Variants in WASHC5 observed in about 807,000 individuals in gnomAD.
The protein encoded by WASHC5 is WASH complex subunit 5, also known as WASH complex subunit strumpellin.
In WASHC5, 101 loss-of-function variants were observed where a neutral mutation model predicts 150.4. That is an observed-to-expected ratio of 0.67 (90% confidence interval 0.57 to 0.79). The LOEUF (loss-of-function observed/expected upper bound fraction) is 0.79, where lower values mean the gene tolerates loss of function less well. Ranked by LOEUF, WASHC5 falls within the 30% of genes least tolerant of loss-of-function variation. The pLI, the probability that WASHC5 is intolerant of heterozygous loss-of-function variation, is 0.00. For synonymous variants in WASHC5, 467 were observed against 491.2 expected, an observed-to-expected ratio of 0.95 and a Z score of 0.65; for missense variants, 1,195 against 1,396.3, an observed-to-expected ratio of 0.86 and a Z score of 2.30.
chr8:125,073,000 C>A (rs1311376798), intron 9 of WASHC5, among the ~76,000 whole-genome samples, 153 bp downstream of exon 9: 3 of 152,180 alleles, frequency 2.0e-5, no homozygotes, highest in Admixed American at 2.0e-4. Flanking sequence ...AGTGGCCTAT[C>A]CAAGTTGACA....
At chr8:125,032,833 T>C in intron 26 of WASHC5, 1 of 199,952 alleles carries the variant, frequency 5.0e-6, no homozygotes, top group Non-Finnish European at 1.0e-5. Flanking sequence ...TGTTGAGTAA[T>C]ATATATACAT....
chr8:125,063,553 T>G lies in WASHC5; in HGVS notation c.1377A>C (p.Gly459=). Reference sequence around the variant, plus strand: ...TCTCCACTCTGGTTAGGGGTTTCACTCCTGAAAAGACATCAGCAAGCTCAG... The same window carrying G: ...TCTCCACTCTGGTTAGGGGTTTCACGCCTGAAAAGACATCAGCAAGCTCAG... ...RMTELADVFS[G]VKPLTRVEKN... is the part of the protein sequence containing the mutation. The change falls in exon 11 of 29, where the codon GGA becomes GGC. Residue 459 remains glycine (G), a synonymous_variant. Transcript: ENST00000318410. 1 of 1,614,002 alleles carries G rather than the reference T, an allele frequency of 6.2e-7. No homozygotes were observed. Among genetic ancestry groups the G allele is most frequent in the Non-Finnish European group, 8.5e-7 (1 of 1,179,886 alleles).
intron 6 of WASHC5, 46 bp from the exon 7 acceptor site, chr8:125,076,546 G>A: frequency 6.2e-7 from 1 of 1,606,890 alleles, no homozygotes; most frequent in Non-Finnish European, 8.5e-7. Flanking sequence ...GGCAACATTT[G>A]CACGTAGACA....
chr8:125,032,418 C>T (rs765527808), intron 26 of WASHC5, 24 bp from the exon 27 acceptor site: 31 of 1,612,852 alleles, frequency 1.9e-5, no homozygotes, highest in African/African-American at 4.0e-5. Context: ...AGTTGCAACA[C>T]CATATGAAGT....
intron 10 of WASHC5, among the ~76,000 whole-genome samples, chr8:125,064,013 G>A (rs927232709): frequency 3.4e-4 from 52 of 152,132 alleles, no homozygotes; most frequent in African/African-American, 1.3e-3. Flanking sequence ...ACTGCTCTAT[G>A]GTTCCTTCTA....
chr8:125,025,923 A>T (rs1481322340), intron 28 of WASHC5, among the ~76,000 whole-genome samples: 1 of 151,956 alleles, frequency 6.6e-6, no homozygotes, highest in Non-Finnish European at 1.5e-5. Context: ...TATTATGAAC[A>T]TCCTTGGGCA....
At chr8:125,056,047 T>C (rs72720515) in intron 16 of WASHC5, among the ~76,000 whole-genome samples, 1,766 of 152,286 alleles carry the variant, frequency 0.012, 29 homozygotes, top group Non-Finnish European at 0.017. Context: ...ATTGATAAGG[T>C]AGGCAGGTGC....
intron 28 of WASHC5, among the ~76,000 whole-genome samples, chr8:125,028,392 G>GA (rs1295906123): frequency 6.6e-6 from 1 of 152,176 alleles, no homozygotes; most frequent in Non-Finnish European, 1.5e-5. Context: ...AGGAGTACAT[G>GA]GTGGAGAGGA....
At chr8:125,029,645 C>T (rs1419489616) in intron 27 of WASHC5, among the ~76,000 whole-genome samples, 1 of 152,204 alleles carries the variant, frequency 6.6e-6, no homozygotes, top group Admixed American at 6.5e-5. Flanking sequence ...TTCATTCATT[C>T]AGCAACTACA....
chr8:125,039,645 GAC>G (rs1815827173), intron 24 of WASHC5, 148 bp downstream of exon 24: 1 of 680,246 alleles, frequency 1.5e-6, no homozygotes. Flanking sequence ...AGGCTCCGAA[GAC>G]AGATTTGATT....
chr8:125,045,488 T>C (rs569768462), intron 20 of WASHC5, among the ~76,000 whole-genome samples: 2 of 152,320 alleles, frequency 1.3e-5, no homozygotes, highest in African/African-American at 4.8e-5. Flanking sequence ...CTGGTAGAGC[T>C]TGTCTGAAAT....
At position 125,039,859 on chromosome 8, in the gene WASHC5, C is replaced by T; in HGVS notation, c.2890G>A (p.Glu964Lys). 1 of 1,613,950 alleles carries T rather than the reference C, an allele frequency of 6.2e-7. No homozygotes were observed. The highest frequency in any genetic ancestry group is 8.5e-7 in the Non-Finnish European group (1 of 1,179,928). ...MQILRQQIAN[E>K]LNYSCRFDSK... ...TCAAACCGACAAGAATAATTTAATTCATTGGCAATCTGTTGTCTCAGAATC... is the reference window on the plus strand; with the variant it reads ...TCAAACCGACAAGAATAATTTAATTTATTGGCAATCTGTTGTCTCAGAATC... Residue 964 changes from glutamate (E) to lysine (K), a missense_variant, in exon 24 of 29, where the codon GAA (glutamate) becomes AAA (lysine). Glu to Lys is a moderately conservative substitution (Grantham distance 56). Transcript: ENST00000318410.
chr8:125,079,360 T>TTAGGCTA, intron 5 of WASHC5, among the ~76,000 whole-genome samples: 1 of 151,478 alleles, frequency 6.6e-6, no homozygotes. Flanking sequence ...CTGGCTAATT[T>TTAGGCTA]TTGTATTTTA....
intron 28 of WASHC5, among the ~76,000 whole-genome samples, chr8:125,027,615 G>A (rs557164783): frequency 1.3e-5 from 2 of 152,304 alleles, no homozygotes; most frequent in African/African-American, 2.4e-5. Context: ...TGGGGACTTG[G>A]AGGGAAGAAT....
intron 3 of WASHC5, chr8:125,082,790 CAG>C: frequency 2.7e-6 from 1 of 365,124 alleles, no homozygotes; most frequent in Non-Finnish European, 4.9e-6. Context: ...TATTAAGAGA[CAG>C]AAAGTTAATG....
At chr8:125,063,848 CAG>C (rs1816672251) in intron 10 of WASHC5, among the ~76,000 whole-genome samples, 197 bp from the exon 11 acceptor site, 1 of 152,202 alleles carries the variant, frequency 6.6e-6, no homozygotes. Flanking sequence ...ACCTCCAAAA[CAG>C]TAGTTCTCAC....
intron 24 of WASHC5, 101 bp downstream of exon 24, chr8:125,039,694 A>T: frequency 1.2e-6 from 1 of 803,202 alleles, no homozygotes; most frequent in East Asian, 2.6e-5. Context: ...CAGACCTTCC[A>T]CCCAAAAATA....
intron 27 of WASHC5, among the ~76,000 whole-genome samples, chr8:125,030,407 T>A (rs1815493467): frequency 6.6e-6 from 1 of 152,124 alleles, no homozygotes; most frequent in South Asian, 2.1e-4. Flanking sequence ...CTGAAGCAAG[T>A]CTTAACATCT....
chr8:125,048,828 C>T (rs1352686573), intron 19 of WASHC5, among the ~76,000 whole-genome samples, 178 bp downstream of exon 19: 2 of 152,168 alleles, frequency 1.3e-5, no homozygotes, highest in Non-Finnish European at 2.9e-5. Context: ...GGACAGTGAG[C>T]TCCCGGAAGT....
Sources: gnomAD v4.1 joint callset for allele counts (sites outside exome capture counted in the v4.1 genomes callset) on GRCh38, gnomAD v4.1.1 for gene constraint, MANE v1.5 for transcripts, NCBI Gene and HGNC (gene_info 2026-07-23, HGNC 2026-07-21) for gene names.